VPS13D: variants seen among roughly 807,000 people sequenced by gnomAD.
VPS13D encodes vacuolar protein sorting 13 homolog D.
VPS13D carries 187 observed loss-of-function variants against 461.9 expected under a neutral mutation model. That is an observed-to-expected ratio of 0.40 (90% CI 0.36 to 0.46). The LOEUF (loss-of-function observed/expected upper bound fraction) is 0.46, where lower values mean the gene tolerates loss of function less well. Among genes scored for constraint, VPS13D ranks in the 20% least tolerant of loss-of-function variants. VPS13D has a pLI of 0.60. For synonymous variants in VPS13D, 1,951 were observed against 1,986.3 expected (o/e 0.98, Z 0.47); for missense variants, 4,711 against 5,364.9 (o/e 0.88, Z 3.81).
rs182792040 is a variant in VPS13D at position 12,321,502 on chromosome 1, T to A, written c.7549-307T>A. The stretch of plus-strand genomic sequence containing the variant: ...TTAATTTTTTTTAACTATTAAATAA[T>A]GGTTTAGTGAATTTTTTTCTTTTTT... On this transcript the variant is annotated intron_variant, in intron 32 of 69. Transcript: ENST00000620676. Among the ~76,000 whole-genome samples, 3 of 152,292 alleles carry A rather than the reference T, an allele frequency of 2.0e-5. No individual in the cohort carries two copies. The East Asian group carries it at 5.8e-4, about 29-fold the overall frequency.
intron 60 of VPS13D, among the ~76,000 whole-genome samples, chr1:12,390,958 C>T (rs1403853361): frequency 6.6e-6 from 1 of 152,188 alleles, no homozygotes; most frequent in African/African-American, 2.4e-5. Context: ...CTGAGGTCAC[C>T]CATTGGTGAG....
intron 13 of VPS13D, among the ~76,000 whole-genome samples, chr1:12,263,468 A>G (rs552308030): frequency 4.6e-5 from 7 of 152,382 alleles, no homozygotes; most frequent in Admixed American, 3.9e-4. Context: ...GCAAGTAAAC[A>G]AATGTGCAAA....
intron 6 of VPS13D, among the ~76,000 whole-genome samples, chr1:12,251,939 A>C (rs1004118123): frequency 6.6e-6 from 1 of 152,182 alleles, no homozygotes; most frequent in Non-Finnish European, 1.5e-5. Context: ...GTGGCTGATC[A>C]GTCCCTTCTG....
chr1:12,506,460 G>A (rs771864891), intron 68 of VPS13D, among the ~76,000 whole-genome samples: 10 of 152,196 alleles, frequency 6.6e-5, no homozygotes, highest in Non-Finnish European at 1.0e-4. Flanking sequence ...TCTTCATGGC[G>A]TGCCATTTGG....
At chr1:12,244,665 T>C (rs751516358) in intron 5 of VPS13D, 48 bp downstream of exon 5, 5 of 1,558,596 alleles carry the variant, frequency 3.2e-6, no homozygotes, top group Non-Finnish European at 4.4e-6. Context: ...AAGGGATTTC[T>C]CAGGTTTAAA....
intron 67 of VPS13D, among the ~76,000 whole-genome samples, chr1:12,496,278 C>G (rs1645956107): frequency 6.6e-6 from 1 of 152,144 alleles, no homozygotes; most frequent in Non-Finnish European, 1.5e-5. Context: ...TAAACCTCAC[C>G]AAGGTATGGG....
intron 2 of VPS13D, among the ~76,000 whole-genome samples, chr1:12,237,790 G>A (rs1640205371): frequency 6.6e-6 from 1 of 152,074 alleles, no homozygotes; most frequent in Non-Finnish European, 1.5e-5. Flanking sequence ...TCTTGTCACT[G>A]CACTGTAGCC....
rs193064871 is a variant in VPS13D, at chr1:12,282,761, G to T, written c.4659G>T (p.Val1553=). The change falls in exon 21 of 70, where the codon GTG becomes GTT. Residue 1553 remains valine (V), a synonymous_variant. Coordinates refer to ENST00000620676, the MANE Select transcript of VPS13D (RefSeq NM_015378.4). ...TTTTACAAACCCTGGACAATCTCGT[G>T]TACAGTGAAGATCTGAATAAGTATC... ...EQVLQTLDNL[V]YSEDLNKYPA... is the part of the protein sequence containing the mutation. The T allele has an allele frequency of 1.9e-6, 3 of 1,614,064 alleles. No homozygotes were observed. The African/African-American group carries it at 4.0e-5, about 22-fold the overall frequency.
intron 31 of VPS13D, among the ~76,000 whole-genome samples, chr1:12,319,149 G>T (rs537690593): frequency 1.3e-5 from 2 of 152,278 alleles, no homozygotes; most frequent in South Asian, 4.1e-4. Flanking sequence ...TTTCAGTCAG[G>T]TCATCACTTA....
chr1:12,253,674 C>T (rs192456705), intron 6 of VPS13D, 48 bp from the exon 7 acceptor site: 91 of 1,406,996 alleles, frequency 6.5e-5, no homozygotes, highest in African/African-American at 4.1e-4. Context: ...ATGACATTCA[C>T]GAATAAAGAC....
At position 12,352,183 on chromosome 1, in the gene VPS13D, C is replaced by T. The variant is rs577718362; in HGVS notation, c.9432-1791C>T. ...GTACACGCCTGTAATCCCAGCTACT[C>T]CAGAGGCTAAGGCAGGAGAATCGCT... On this transcript the variant is annotated intron_variant, in intron 46 of 69. Transcript: ENST00000620676. Among the ~76,000 whole-genome samples, 4 of 151,906 alleles carry T rather than the reference C, an allele frequency of 2.6e-5. No individual in the cohort carries two copies. The East Asian group carries it at 7.9e-4, about 30-fold the overall frequency.
At chr1:12,275,684 G>T (rs1641588761) in intron 18 of VPS13D, 141 bp from the exon 19 acceptor site, 1 of 754,938 alleles carries the variant, frequency 1.3e-6, no homozygotes, top group South Asian at 3.0e-5. Flanking sequence ...GGTAAACAAA[G>T]ATATTATGCT....
chr1:12,254,513 CTT>C (rs1017635589), intron 7 of VPS13D, among the ~76,000 whole-genome samples: 390 of 78,098 alleles, frequency 5.0e-3, no homozygotes, highest in African/African-American at 0.019. Flanking sequence ...AAATCTCAAT[CTT>C]TTTTTTTTTT....
At chr1:12,306,593 ATTTG>A (rs1220154319) in intron 26 of VPS13D, among the ~76,000 whole-genome samples, 1 of 152,084 alleles carries the variant, frequency 6.6e-6, no homozygotes. Context: ...CTGATTTGCT[ATTTG>A]TTTCTGAAAT....
At position 12,459,948 on chromosome 1, in the gene VPS13D, ATTT is replaced by A. The variant is rs779399019; in HGVS notation, c.12467-234_12467-232del. 5.0e-3 allele frequency among the ~76,000 whole-genome samples: 615 copies of A among 122,084 alleles called. 4 individuals carry two copies. The highest frequency in any genetic ancestry group is 0.018 in the African/African-American group (569 of 32,224). The allele number at this position is 122,084 out of a possible 152,430, so 80.1% of individuals were successfully genotyped here. On this transcript the variant is annotated intron_variant, in intron 66 of 69. Transcript: ENST00000620676. ...CTGTTAACCTCTCAGCTTTTCTCTGATTTTTTTTTTTTTTTTTTTTTGAACTGG... is the reference window on the plus strand; with the variant it reads ...CTGTTAACCTCTCAGCTTTTCTCTGATTTTTTTTTTTTTTTTTTGAACTGG...
intron 15 of VPS13D, 120 bp downstream of exon 15, chr1:12,268,040 C>T (rs1641325757): frequency 2.8e-6 from 2 of 718,024 alleles, no homozygotes; most frequent in Non-Finnish European, 4.5e-6. Flanking sequence ...TGGCTCACTG[C>T]AACCTCTGCC....
intron 50 of VPS13D, among the ~76,000 whole-genome samples, chr1:12,362,113 T>C (rs1643959874): frequency 6.6e-6 from 1 of 152,166 alleles, no homozygotes; most frequent in Non-Finnish European, 1.5e-5. Flanking sequence ...TCCACCCATC[T>C]CGGCCTCCCA....
intron 1 of VPS13D, among the ~76,000 whole-genome samples, chr1:12,232,089 A>G (rs1300461985): frequency 1.3e-5 from 2 of 152,196 alleles, no homozygotes; most frequent in Non-Finnish European, 2.9e-5. Flanking sequence ...TCTTTAAACA[A>G]ATGTAGCTAA....
chr1:12,368,684 A>C (rs746017829), intron 53 of VPS13D, 93 bp downstream of exon 53: 77 of 1,406,730 alleles, frequency 5.5e-5, no homozygotes, highest in Non-Finnish European at 6.7e-5. Context: ...ATACATTTTC[A>C]ACTTGGGTTT....
Sources: gnomAD v4.1 joint callset for allele counts (sites outside exome capture counted in the v4.1 genomes callset) on GRCh38, gnomAD v4.1.1 for gene constraint, MANE v1.5 for transcripts, NCBI Gene and HGNC (gene_info 2026-07-23, HGNC 2026-07-21) for gene names.